Variants in FBXL20 observed in about 807,000 individuals in gnomAD.
FBXL20 encodes F-box/LRR-repeat protein 20.
FBXL20 carries 11 observed loss-of-function variants against 64.0 expected under a neutral mutation model. The ratio of observed to expected loss-of-function variants is 0.17; its 90% confidence interval spans 0.11 to 0.28. The LOEUF (loss-of-function observed/expected upper bound fraction) is 0.28. FBXL20 is among the 10% of genes least tolerant of loss of function. The pLI, the probability that FBXL20 is intolerant of heterozygous loss-of-function variation, is 1.00. For missense variants in FBXL20, 303 were observed against 526.2 expected, an observed-to-expected ratio of 0.58 and a Z score of 4.15; for synonymous variants, 184 against 189.0, an observed-to-expected ratio of 0.97 and a Z score of 0.22.
intron 6 of FBXL20, among the ~76,000 whole-genome samples, chr17:39,293,291 G>A (rs1431479562): frequency 6.6e-6 from 1 of 150,906 alleles, no homozygotes; most frequent in Non-Finnish European, 1.5e-5. Context: ...GCATGATCTC[G>A]GCTCACTGCA....
chr17:39,285,674 A>T (rs1280132601), intron 6 of FBXL20, 101 bp from the exon 7 acceptor site: 1 of 599,092 alleles, frequency 1.7e-6, no homozygotes, highest in African/African-American at 1.9e-5. Flanking sequence ...TATATATAAG[A>T]ACTGTAAAAT....
intron 1 of FBXL20, among the ~76,000 whole-genome samples, chr17:39,375,781 T>C (rs2047961387): frequency 6.6e-6 from 1 of 152,178 alleles, no homozygotes; most frequent in African/African-American, 2.4e-5. Flanking sequence ...GAGGTTTGTA[T>C]CATTTTAATT....
At chr17:39,346,340 CA>C (rs368093968) in intron 1 of FBXL20, among the ~76,000 whole-genome samples, 9 of 144,310 alleles carry the variant, frequency 6.2e-5, no homozygotes, top group South Asian at 4.4e-4. Flanking sequence ...GATCCTGTCT[CA>C]AAAAAAAAAG....
rs139813034 is a variant in FBXL20, at chr17:39,255,974, C to T, written c.*5486G>A. ...AACTACCTGGGCTAATTATACCCTA[C>T]TGGTATGATTTTATACAGCTCTCTG... On this transcript the variant is annotated 3_prime_UTR_variant, in exon 15 of 15. Transcript: ENST00000264658. 11 of 152,258 alleles carry T rather than the reference C, an allele frequency of 7.2e-5. No homozygotes were observed. Among genetic ancestry groups the T allele is most frequent in the Non-Finnish European group, 1.0e-4 (7 of 68,024 alleles). 9.4% of individuals were successfully genotyped at this position (152,258 alleles called of 1,614,324 possible). A position where few individuals can be genotyped will look rare whatever the true frequency, so the allele number is the denominator to read the frequency against.
intron 1 of FBXL20, among the ~76,000 whole-genome samples, chr17:39,391,933 G>C (rs1229982164): frequency 6.6e-6 from 1 of 151,514 alleles, no homozygotes; most frequent in African/African-American, 2.4e-5. Context: ...CACAAGGCCA[G>C]GAGTTCGAGA....
intron 12 of FBXL20, among the ~76,000 whole-genome samples, chr17:39,265,687 A>T (rs2125166): frequency 0.81 from 119,818 of 148,344 alleles, 48,932 homozygotes; most frequent in East Asian, 0.95. Flanking sequence ...AATTAAAAAA[A>T]TTTTTTTTTT....
At chr17:39,289,364 A>G (rs1273472334) in intron 6 of FBXL20, among the ~76,000 whole-genome samples, 2 of 152,192 alleles carry the variant, frequency 1.3e-5, no homozygotes, top group Non-Finnish European at 1.5e-5. Context: ...TCTTAACAAT[A>G]TTGAGTTTTT....
chr17:39,286,255 C>T (rs1358041771), intron 6 of FBXL20, among the ~76,000 whole-genome samples: 1 of 152,120 alleles, frequency 6.6e-6, no homozygotes, highest in Non-Finnish European at 1.5e-5. Context: ...TGCTCTGTTG[C>T]CCAGGCTGGA....
intron 2 of FBXL20, among the ~76,000 whole-genome samples, chr17:39,337,707 C>T (rs1331678594): frequency 2.6e-5 from 4 of 151,770 alleles, no homozygotes; most frequent in Admixed American, 6.6e-5. Context: ...CCCCTCCGCC[C>T]GGCAGTTGCC....
intron 1 of FBXL20, 100 bp downstream of exon 1, chr17:39,401,261 C>T: frequency 1.3e-6 from 2 of 1,592,628 alleles, no homozygotes; most frequent in Non-Finnish European, 1.7e-6. Flanking sequence ...GGGTGGGTGA[C>T]GGCGCCTGCC....
At chr17:39,328,377 G>A (rs1221557683) in intron 2 of FBXL20, among the ~76,000 whole-genome samples, 2 of 151,888 alleles carry the variant, frequency 1.3e-5, no homozygotes, top group Admixed American at 6.6e-5. Flanking sequence ...TGTAAGAAGG[G>A]TCTGAAACAC....
At chr17:39,380,345 C>T (rs2048010161) in intron 1 of FBXL20, among the ~76,000 whole-genome samples, 1 of 152,164 alleles carries the variant, frequency 6.6e-6, no homozygotes, top group Non-Finnish European at 1.5e-5. Context: ...TCCGAATTCC[C>T]ACCAATAACT....
In FBXL20 at chr17:39,388,353, G is replaced by A. The variant is rs138207452; in HGVS notation, c.42+13008C>T. Among the ~76,000 whole-genome samples the A allele has an allele frequency of 7.1e-3, 1,074 of 152,056 alleles. 8 individuals carry two copies. The highest frequency in any genetic ancestry group is 0.012 in the Non-Finnish European group (819 of 67,982). On this transcript the variant is annotated intron_variant, in intron 1 of 14. Coordinates refer to ENST00000264658, the MANE Select transcript of FBXL20 (RefSeq NM_032875.3). ...ACACGACTGTAATTCCAGCTACTCG[G>A]GAAGGTGAGGCACAAGAATCACCTG...
At chr17:39,300,267 C>T (rs1453697523) in intron 4 of FBXL20, among the ~76,000 whole-genome samples, 4 of 152,042 alleles carry the variant, frequency 2.6e-5, no homozygotes, top group African/African-American at 9.7e-5. Flanking sequence ...TCAGGTGATC[C>T]GCCCACCTTG....
intron 2 of FBXL20, among the ~76,000 whole-genome samples, chr17:39,305,491 G>C (rs572104705): frequency 6.6e-6 from 1 of 152,254 alleles, no homozygotes; most frequent in East Asian, 1.9e-4. Flanking sequence ...GACTGCTAGA[G>C]GCCAGGAGTT....
At chr17:39,356,214 C>CAAAA (rs56838813) in intron 1 of FBXL20, among the ~76,000 whole-genome samples, 7 of 75,852 alleles carry the variant, frequency 9.2e-5, no homozygotes, top group Admixed American at 1.4e-4. Flanking sequence ...GACTCCATCT[C>CAAAA]AAAAAAAAAA....
At chr17:39,398,893 T>C (rs2048213475) in intron 1 of FBXL20, among the ~76,000 whole-genome samples, 1 of 152,068 alleles carries the variant, frequency 6.6e-6, no homozygotes, top group African/African-American at 2.4e-5. Flanking sequence ...CAGGCTGGTC[T>C]TGAACTCCTG....
At chr17:39,398,049 G>GC in intron 1 of FBXL20, among the ~76,000 whole-genome samples, 1 of 110,462 alleles carries the variant, frequency 9.1e-6, no homozygotes, top group African/African-American at 3.1e-5. Flanking sequence ...GCGGGGGGGG[G>GC]GGGGGGGTTG....
At chr17:39,360,776 G>A (rs1024376420) in intron 1 of FBXL20, among the ~76,000 whole-genome samples, 1 of 152,166 alleles carries the variant, frequency 6.6e-6, no homozygotes, top group Non-Finnish European at 1.5e-5. Context: ...AGAGACAGTA[G>A]CTATTCAGAT....
Sources: gnomAD v4.1 joint callset for allele counts (sites outside exome capture counted in the v4.1 genomes callset) on GRCh38, gnomAD v4.1.1 for gene constraint, MANE v1.5 for transcripts, NCBI Gene and HGNC (gene_info 2026-07-23, HGNC 2026-07-21) for gene names.